CACHD1: variants seen among roughly 807,000 people sequenced by gnomAD.
The protein encoded by CACHD1 is VWFA and cache domain-containing protein 1.
In CACHD1, 71 loss-of-function variants were observed where a neutral mutation model predicts 138.7. That is an observed-to-expected ratio of 0.51 (90% CI 0.42 to 0.62). The LOEUF is 0.62. CACHD1 is among the 20% of genes least tolerant of loss of function. The pLI, the probability that CACHD1 is intolerant of heterozygous loss-of-function variation, is 0.00. For synonymous variants in CACHD1, 578 were observed against 591.5 expected, an observed-to-expected ratio of 0.98 and a Z score of 0.33; for missense variants, 1,389 against 1,625.3, an observed-to-expected ratio of 0.85 and a Z score of 2.50.
At position 64,653,865 on chromosome 1, in the gene CACHD1, C is replaced by T. The variant is rs146843239; in HGVS notation, c.1648C>T (p.Arg550Trp). The T allele has an allele frequency of 1.3e-5, 21 of 1,612,760 alleles. No homozygotes were observed. Among genetic ancestry groups the T allele is most frequent in the African/African-American group, 6.7e-5 (5 of 74,798 alleles). The change falls in exon 11 of 27, where the codon CGG (arginine) becomes TGG (tryptophan). Residue 550 changes from arginine to tryptophan, a missense_variant. By Grantham distance (101) the Arg-to-Trp change is moderately radical. Around this residue, in one of 5 missense-constraint regions of CACHD1, gnomAD observed 1,000 missense variants for 1,114.7 expected, o/e 0.90. Coordinates refer to ENST00000651257, the MANE Select transcript of CACHD1 (RefSeq NM_020925.4). Reference protein sequence around the residue: ...YENIPKFELVRQNILSLPLGS... With the variant: ...YENIPKFELVWQNILSLPLGS... ...AAATATTCCAAAATTTGAATTAGTT[C>T]GGCAAAATATCCTAAGGTAAGGAAA...
chr1:64,621,643 A>G (rs1647919016), intron 4 of CACHD1, among the ~76,000 whole-genome samples: 1 of 152,230 alleles, frequency 6.6e-6, no homozygotes, highest in Non-Finnish European at 1.5e-5. Flanking sequence ...CAAAACCTGA[A>G]GGATTAAAAA....
chr1:64,637,385 T>G (rs1196850640), intron 7 of CACHD1, among the ~76,000 whole-genome samples: 1 of 152,192 alleles, frequency 6.6e-6, no homozygotes. Context: ...AGCAGGAATG[T>G]CTGCCCAGTG....
chr1:64,588,667 C>T (rs1377459098), intron 3 of CACHD1, among the ~76,000 whole-genome samples: 1 of 152,166 alleles, frequency 6.6e-6, no homozygotes, highest in Non-Finnish European at 1.5e-5. Flanking sequence ...CATGAGCCAC[C>T]ATGCTGGGCC....
At chr1:64,659,541 A>G (rs1447532845) in intron 13 of CACHD1, among the ~76,000 whole-genome samples, 2 of 152,364 alleles carry the variant, frequency 1.3e-5, no homozygotes, top group African/African-American at 4.8e-5. Context: ...ATTACGTACC[A>G]GATGTTTTTT....
intron 3 of CACHD1, among the ~76,000 whole-genome samples, chr1:64,587,375 G>C (rs1460192960): frequency 1.3e-5 from 2 of 152,186 alleles, no homozygotes; most frequent in African/African-American, 4.8e-5. Flanking sequence ...GTTCTGAAGA[G>C]AGAGGAGCTT....
At chr1:64,500,853 G>C (rs1031207693) in intron 1 of CACHD1, among the ~76,000 whole-genome samples, 2 of 151,834 alleles carry the variant, frequency 1.3e-5, no homozygotes, top group African/African-American at 2.4e-5. Context: ...TTCGAGACCT[G>C]CTTGGCCAAC....
At chr1:64,539,949 C>T (rs1646664561) in intron 1 of CACHD1, among the ~76,000 whole-genome samples, 1 of 152,118 alleles carries the variant, frequency 6.6e-6, no homozygotes. Flanking sequence ...TTCACTGTTG[C>T]TTTTTATTTT....
intron 1 of CACHD1, among the ~76,000 whole-genome samples, chr1:64,517,077 A>G (rs1301220873): frequency 6.6e-6 from 1 of 152,202 alleles, no homozygotes; most frequent in African/African-American, 2.4e-5. Flanking sequence ...CGGGGAAAGC[A>G]CTTGTTATAT....
intron 2 of CACHD1, among the ~76,000 whole-genome samples, chr1:64,578,246 G>A (rs1315263442): frequency 6.6e-6 from 1 of 152,156 alleles, no homozygotes; most frequent in Non-Finnish European, 1.5e-5. Context: ...GTGGCTTTGG[G>A]CTCATCACTT....
Position 64,546,916 on chromosome 1 carries a change from G to GA in CACHD1, c.199-3671dup, listed in dbSNP as rs200802334. 4.3e-3 allele frequency among the ~76,000 whole-genome samples: 649 copies of GA among 151,790 alleles called. 3 individuals carry two copies. The highest frequency in any genetic ancestry group is 0.015 in the African/African-American group (630 of 41,456). ...TATCTTGCTTAAAATAAAATGGATA[G>GA]AAAAAAACCCCCAAATGCTCATTTT... On this transcript the variant is annotated intron_variant, in intron 1 of 26. Coordinates refer to ENST00000651257, the MANE Select transcript of CACHD1 (RefSeq NM_020925.4).
chr1:64,476,008 C>A (rs752422449), intron 1 of CACHD1, among the ~76,000 whole-genome samples: 2 of 152,152 alleles, frequency 1.3e-5, no homozygotes, highest in Non-Finnish European at 2.9e-5. Flanking sequence ...CATAGAGGAG[C>A]CTTGCCCAAG....
intron 2 of CACHD1, among the ~76,000 whole-genome samples, chr1:64,551,148 T>G (rs1646755998): frequency 6.6e-6 from 1 of 152,088 alleles, no homozygotes; most frequent in African/African-American, 2.4e-5. Context: ...AAGAATGAAA[T>G]AAAATTGTAA....
At chr1:64,658,249 T>G (rs148895300) in intron 12 of CACHD1, among the ~76,000 whole-genome samples, 1 of 152,252 alleles carries the variant, frequency 6.6e-6, no homozygotes, top group Non-Finnish European at 1.5e-5. Context: ...CTCAGTCCTT[T>G]CTTTTAAAGT....
intron 6 of CACHD1, among the ~76,000 whole-genome samples, chr1:64,633,016 G>C (rs1420073396): frequency 6.6e-6 from 1 of 152,140 alleles, no homozygotes; most frequent in Non-Finnish European, 1.5e-5. Context: ...TAAAGTGTTG[G>C]CTATCTCGTA....
At chr1:64,687,694 A>G (rs1402879576) in intron 26 of CACHD1, among the ~76,000 whole-genome samples, 3 of 152,148 alleles carry the variant, frequency 2.0e-5, no homozygotes, top group African/African-American at 7.2e-5. Flanking sequence ...TGTCTGCATT[A>G]TTAGATGAGA....
rs549167811 is a variant in CACHD1, at chr1:64,549,187, G to A, written c.199-1407G>A. Among the ~76,000 whole-genome samples the A allele has an allele frequency of 1.4e-3, 220 of 152,270 alleles. 2 individuals are homozygous for A. The highest frequency in any genetic ancestry group is 5.1e-3 in the African/African-American group (211 of 41,546). ...CCTCATCTATGTAGGGATAATAATA[G>A]TGCCTATCACAAAGGTGTTTTGTGA... On this transcript the variant is annotated intron_variant, in intron 1 of 26. Transcript: ENST00000651257.
chr1:64,564,415 C>G (rs1646865362), intron 2 of CACHD1, among the ~76,000 whole-genome samples: 1 of 152,146 alleles, frequency 6.6e-6, no homozygotes, highest in African/African-American at 2.4e-5. Context: ...AGCCCTGATG[C>G]CTTTCTGTAA....
chr1:64,500,730 AAAAAAG>A (rs1553127462), intron 1 of CACHD1, among the ~76,000 whole-genome samples: 1 of 44,400 alleles, frequency 2.3e-5, no homozygotes, highest in African/African-American at 6.9e-5. Context: ...AAAAAAAAAA[AAAAAAG>A]AGAGAGAGAG....
intron 4 of CACHD1, among the ~76,000 whole-genome samples, chr1:64,616,357 G>T (rs910979963): frequency 3.3e-5 from 5 of 152,150 alleles, no homozygotes; most frequent in African/African-American, 1.2e-4. Context: ...TTGGTGAGAG[G>T]GGAGAGGAGG....
Sources: gnomAD v4.1 joint callset for allele counts (sites outside exome capture counted in the v4.1 genomes callset) on GRCh38, gnomAD v4.1.1 for gene constraint, gnomAD v4.1.1 regional missense constraint, MANE v1.5 for transcripts, NCBI Gene and HGNC (gene_info 2026-07-23, HGNC 2026-07-21) for gene names.